MGAT5: variants seen among roughly 807,000 people sequenced by gnomAD.
The protein encoded by MGAT5 is alpha-1,6-mannosylglycoprotein 6-beta-N-acetylglucosaminyltransferase A.
In MGAT5, 30 loss-of-function variants were observed where a neutral mutation model predicts 94.3. The ratio of observed to expected loss-of-function variants is 0.32; its 90% confidence interval spans 0.24 to 0.43. The LOEUF (loss-of-function observed/expected upper bound fraction) is 0.43, where lower values mean the gene tolerates loss of function less well. Among genes scored for constraint, MGAT5 ranks in the 20% least tolerant of loss-of-function variants. The pLI is 1.00. For missense variants in MGAT5, 691 were observed against 905.5 expected (o/e 0.76, Z 3.04); for synonymous variants, 310 against 322.9 (o/e 0.96, Z 0.43).
chr2:134,317,488 T>C (rs767330636), intron 2 of MGAT5, 41 bp from the exon 3 acceptor site: 42 of 1,411,950 alleles, frequency 3.0e-5, no homozygotes, highest in South Asian at 2.6e-4. Flanking sequence ...TTGTGTTTTA[T>C]AGATCTCATT....
At chr2:134,233,262 A>C (rs112503076) in intron 1 of MGAT5, among the ~76,000 whole-genome samples, 1,687 of 152,282 alleles carry the variant, frequency 0.011, 22 homozygotes, top group African/African-American at 0.037. Context: ...ATCACAGTGT[A>C]GTTTTGCTTT....
At chr2:134,373,295 T>G (rs1680937364) in intron 10 of MGAT5, among the ~76,000 whole-genome samples, 1 of 152,102 alleles carries the variant, frequency 6.6e-6, no homozygotes, top group South Asian at 2.1e-4. Context: ...GCCCAGAAGA[T>G]GAGCAGTACA....
intron 1 of MGAT5, among the ~76,000 whole-genome samples, chr2:134,213,301 C>T (rs1262599317): frequency 6.6e-6 from 1 of 152,170 alleles, no homozygotes; most frequent in African/African-American, 2.4e-5. Flanking sequence ...TAAACACAGC[C>T]AGGTGAGGGA....
rs530632702 is a variant in MGAT5, at chr2:134,408,782, G to GA, written c.1531-4082dup. Among the ~76,000 whole-genome samples the GA allele has an allele frequency of 7.2e-5, 11 of 152,246 alleles. No homozygotes were observed. In the South Asian group the frequency reaches 2.1e-3, roughly 29 times the overall value. On this transcript the variant is annotated intron_variant, in intron 11 of 15. Transcript: ENST00000281923. Reference sequence around the variant, plus strand: ...GGCTACATGAAAGCATCACATTTTGGAAAAATTGTTTTCTTCATACCCAGC... The same window carrying GA: ...GGCTACATGAAAGCATCACATTTTGGAAAAAATTGTTTTCTTCATACCCAGC...
chr2:134,409,397 C>T (rs990032431), intron 11 of MGAT5, among the ~76,000 whole-genome samples: 3 of 152,174 alleles, frequency 2.0e-5, no homozygotes, highest in Non-Finnish European at 4.4e-5. Context: ...GACAGAAGCA[C>T]CTAGCAGTGT....
chr2:134,318,987 C>T (rs1449429181), intron 4 of MGAT5, among the ~76,000 whole-genome samples: 4 of 152,060 alleles, frequency 2.6e-5, no homozygotes, highest in African/African-American at 4.8e-5. Flanking sequence ...GTAAAATAGA[C>T]GTGAGATTTG....
chr2:134,349,847 A>G lies in MGAT5; in HGVS notation c.1155A>G (p.Glu385=), dbSNP rs1245774512. The G allele has an allele frequency of 6.2e-7, 1 of 1,613,510 alleles. No homozygotes were observed. Among genetic ancestry groups the G allele is most frequent in the African/African-American group, 1.3e-5 (1 of 74,880 alleles). The change falls in exon 9 of 16, where the codon GAA becomes GAG. Residue 385 remains glutamate (E), a synonymous_variant. Coordinates refer to ENST00000281923, the MANE Select transcript of MGAT5 (RefSeq NM_002410.5). ...TTGATTCATTTGGTACTGAACCCGA[A>G]TTTAATCATGCAAATTATGCCCAAT... ...RVLDSFGTEP[E]FNHANYAQSK...
At chr2:134,414,061 T>C (rs551496626) in intron 12 of MGAT5, among the ~76,000 whole-genome samples, 3 of 152,100 alleles carry the variant, frequency 2.0e-5, no homozygotes, top group Non-Finnish European at 4.4e-5. Flanking sequence ...CCAAAGGAGA[T>C]AGAAGTTCAA....
chr2:134,337,166 A>T (rs994702980), intron 5 of MGAT5, among the ~76,000 whole-genome samples: 2 of 152,148 alleles, frequency 1.3e-5, no homozygotes, highest in African/African-American at 4.8e-5. Context: ...GAGTCGTAGG[A>T]TATTGTTTAG....
At chr2:134,387,332 A>ATT (rs35936767) in intron 10 of MGAT5, among the ~76,000 whole-genome samples, 815 of 24,206 alleles carry the variant, frequency 0.034, 77 homozygotes, top group South Asian at 0.076. Flanking sequence ...ATATATATAT[A>ATT]TTTTTTTTTT....
intron 1 of MGAT5, among the ~76,000 whole-genome samples, chr2:134,145,222 G>C (rs1180078169): frequency 1.5e-4 from 22 of 151,634 alleles, no homozygotes; most frequent in Middle Eastern, 6.8e-3. Flanking sequence ...CTCTGTGTGT[G>C]TGTGTGTGTG....
At position 134,336,275 on chromosome 2, in the gene MGAT5, A is replaced by T. The variant is rs940740660; in HGVS notation, c.632A>T (p.Asp211Val). The change falls in exon 5 of 16, where the codon GAT becomes GTT. Residue 211 changes from aspartate to valine, a missense_variant. Physicochemically the swap from Asp to Val is radical, Grantham distance 152 (BLOSUM62 -3). Coordinates refer to ENST00000281923, the MANE Select transcript of MGAT5 (RefSeq NM_002410.5). ...GCAAAAAATCCCTACGAAGAAGCTGATCATAATTCATTGGTAAGTGATTTT... is the reference window on the plus strand; with the variant it reads ...GCAAAAAATCCCTACGAAGAAGCTGTTCATAATTCATTGGTAAGTGATTTT... ...WRAKNPYEEA[D>V]HNSLAEIRTD... 6.2e-7 allele frequency: 1 copy of T among 1,612,584 alleles called. No individual in the cohort carries two copies. The highest frequency in any genetic ancestry group is 8.5e-7 in the Non-Finnish European group (1 of 1,179,156).
At chr2:134,358,189 C>CT (rs11385683) in intron 9 of MGAT5, among the ~76,000 whole-genome samples, 77,565 of 144,544 alleles carry the variant, frequency 0.54, 22,422 homozygotes, top group Non-Finnish European at 0.66. Context: ...ATCACTCCAC[C>CT]TTTTTTTTTT....
Position 134,341,752 on chromosome 2 carries a change from C to T in MGAT5, c.970C>T (p.Leu324Phe), listed in dbSNP as rs749596490. The T allele has an allele frequency of 6.2e-7, 1 of 1,607,752 alleles. No homozygotes were observed. Reference sequence around the variant, plus strand: ...TAGGATTTCAGCTTCACTGGCTGAGCTCAAGGAGTAAGGAGATTACTTTTC... The same window carrying T: ...TAGGATTTCAGCTTCACTGGCTGAGTTCAAGGAGTAAGGAGATTACTTTTC... ...DIRISASLAE[L>F]KEIMKKVVGN... is the part of the protein sequence containing the mutation. The change falls in exon 7 of 16, where the codon CTC (leucine) becomes TTC (phenylalanine). Residue 324 changes from leucine to phenylalanine, a missense_variant. Physicochemically the swap from Leu to Phe is conservative, Grantham distance 22. Transcript: ENST00000281923.
intron 2 of MGAT5, among the ~76,000 whole-genome samples, chr2:134,295,998 T>C (rs532471054): frequency 3.9e-5 from 6 of 152,290 alleles, no homozygotes; most frequent in African/African-American, 1.4e-4. Context: ...GGGAAGAGGA[T>C]TTCATCTAGG....
intron 10 of MGAT5, among the ~76,000 whole-genome samples, chr2:134,397,050 G>A (rs79884504): frequency 0.05 from 7,622 of 152,288 alleles, 661 homozygotes; most frequent in African/African-American, 0.17. Context: ...TTAAGTGTAG[G>A]CAGAGACCTT....
At chr2:134,382,986 T>C (rs1205072285) in intron 10 of MGAT5, among the ~76,000 whole-genome samples, 1 of 152,230 alleles carries the variant, frequency 6.6e-6, no homozygotes, top group Admixed American at 6.5e-5. Flanking sequence ...ACTTAGTTGG[T>C]AGCTTTGGAA....
At chr2:134,321,371 A>G (rs1687309306) in intron 4 of MGAT5, among the ~76,000 whole-genome samples, 1 of 152,170 alleles carries the variant, frequency 6.6e-6, no homozygotes, top group South Asian at 2.1e-4. Context: ...GCTGAGGCAG[A>G]GGATTTTACA....
chr2:134,394,543 T>C (rs1682597941), intron 10 of MGAT5, among the ~76,000 whole-genome samples: 2 of 152,130 alleles, frequency 1.3e-5, no homozygotes, highest in South Asian at 4.1e-4. Flanking sequence ...GATAGAATTC[T>C]CCCCCCTTCT....
Sources: allele counts gnomAD v4.1 joint callset (sites outside exome capture counted in the v4.1 genomes callset), GRCh38; gene constraint gnomAD v4.1.1; transcripts MANE v1.5; gene names NCBI Gene and HGNC (gene_info 2026-07-23, HGNC 2026-07-21).